The following PDE3B variants were observed in gnomAD, a reference collection of about 807,000 sequenced individuals.
The protein encoded by PDE3B is cGMP-inhibited 3',5'-cyclic phosphodiesterase 3B.
PDE3B carries 66 observed loss-of-function variants against 116.8 expected under a neutral mutation model. The observed-to-expected ratio is 0.56, with a 90% confidence interval of 0.46 to 0.69. The LOEUF (loss-of-function observed/expected upper bound fraction) is 0.69, where lower values mean the gene tolerates loss of function less well. Among genes scored for constraint, PDE3B ranks in the 30% least tolerant of loss-of-function variants. PDE3B has a pLI of 0.00. For missense variants in PDE3B, 1,384 were observed against 1,368.1 expected, an observed-to-expected ratio of 1.01 and a Z score of -0.18; for synonymous variants, 595 against 533.6, an observed-to-expected ratio of 1.12 and a Z score of -1.59.
chr11:14,710,479 C>T (rs1263857722), intron 1 of PDE3B, among the ~76,000 whole-genome samples: 3 of 152,134 alleles, frequency 2.0e-5, no homozygotes, highest in Admixed American at 6.6e-5. Context: ...GGTAGGTTCA[C>T]GTCTGAGTGG....
At chr11:14,674,462 T>G in intron 1 of PDE3B, 1 of 593,736 alleles carries the variant, frequency 1.7e-6, no homozygotes. Flanking sequence ...ATGGCAACCT[T>G]TACACACTTT....
At chr11:14,661,952 A>G (rs1323542745) in intron 1 of PDE3B, among the ~76,000 whole-genome samples, 1 of 152,176 alleles carries the variant, frequency 6.6e-6, no homozygotes, top group Non-Finnish European at 1.5e-5. Flanking sequence ...TGAAGAGAGC[A>G]GTGGTTCTCC....
intron 5 of PDE3B, among the ~76,000 whole-genome samples, chr11:14,816,862 T>A (rs570064060): frequency 9.8e-5 from 15 of 152,350 alleles, no homozygotes; most frequent in African/African-American, 3.6e-4. Context: ...GTTCAACCAT[T>A]GTGGAAGATA....
Position 14,859,171 on chromosome 11 carries a change from T to A in PDE3B, c.2649T>A (p.Arg883=). Residue 883 remains arginine (R), a synonymous_variant, in exon 13 of 16, where the codon CGT becomes CGA. Transcript: ENST00000282096. The part of the protein sequence containing the change: ...HLDHVEFKRF[R]FLVIEAILAT... ...ATCATGTGGAATTCAAGCGCTTTCG[T>A]TTTTTAGTCATTGAAGCAATCCTTG... 2 of 1,613,612 alleles carry A rather than the reference T, an allele frequency of 1.2e-6. No homozygotes were observed. The highest frequency in any genetic ancestry group is 1.7e-6 in the Non-Finnish European group (2 of 1,179,698).
intron 12 of PDE3B, among the ~76,000 whole-genome samples, chr11:14,851,525 TG>T (rs1309981895): frequency 4.6e-5 from 7 of 151,956 alleles, no homozygotes; most frequent in African/African-American, 1.7e-4. Flanking sequence ...TGTGTGTGTG[TG>T]TGTGTGTGTT....
chr11:14,784,003 A>G (rs891860675), intron 2 of PDE3B, among the ~76,000 whole-genome samples: 2 of 152,098 alleles, frequency 1.3e-5, no homozygotes, highest in Non-Finnish European at 2.9e-5. Flanking sequence ...TTAGATTCTC[A>G]TAGGAGCACA....
intron 1 of PDE3B, chr11:14,674,311 T>C: frequency 1.0e-6 from 1 of 987,610 alleles, no homozygotes; most frequent in Admixed American, 1.8e-5. Context: ...TGCATACTGC[T>C]CCTGATTGGC....
At chr11:14,892,399 G>A in the PDE3B span, 4 of 620,226 alleles carry the variant, frequency 6.4e-6, no homozygotes, top group Non-Finnish European at 1.1e-5. Context: ...TGGACTTTGC[G>A]GAGCGGGTGG....
chr11:14,852,178 TC>T (rs1847766463), intron 12 of PDE3B, among the ~76,000 whole-genome samples: 1 of 152,180 alleles, frequency 6.6e-6, no homozygotes, highest in African/African-American at 2.4e-5. Flanking sequence ...TGCCTCAGCC[TC>T]CCAAGTAGCT....
chr11:14,847,709 G>C (rs896599473), intron 12 of PDE3B, among the ~76,000 whole-genome samples: 16 of 152,240 alleles, frequency 1.1e-4, no homozygotes, highest in African/African-American at 3.6e-4. Context: ...AGTACAAACA[G>C]CTCTAAGCAA....
rs1221329691 is a variant in PDE3B, at chr11:14,643,921, G to A, written c.-155G>A. On this transcript the variant is annotated 5_prime_UTR_variant, in exon 1 of 16. Transcript: ENST00000282096. ...CGGACTCCGCCGCTCCTCAGTCCGC[G>A]CGGTGGGGACCCCGGGCCGTGGCGG... 8.7e-7 allele frequency: 1 copy of A among 1,145,318 alleles called. No homozygotes were observed. The highest frequency in any genetic ancestry group is 1.6e-5 in the African/African-American group (1 of 61,272). The allele number at this position is 1,145,318 out of a possible 1,614,324, so 70.9% of individuals were successfully genotyped here.
rs35913217 is a variant in PDE3B, at chr11:14,851,509, G to GGTGTGT, written c.2520+7504_2521-7508dup. The stretch of plus-strand genomic sequence containing the variant: ...GTATATGTGTAAATGGGTATAATGG[G>GGTGTGT]GTGTGTGTGTGTGTGTGTGTGTGTG... On this transcript the variant is annotated intron_variant, in intron 12 of 15. Coordinates refer to ENST00000282096, the MANE Select transcript of PDE3B (RefSeq NM_000922.4). 3.7e-3 allele frequency among the ~76,000 whole-genome samples: 553 copies of GGTGTGT among 148,546 alleles called. 7 individuals carry two copies. In the East Asian group the frequency reaches 0.055, roughly 15 times the overall value.
chr11:14,817,965 G>C (rs530998162), intron 5 of PDE3B, among the ~76,000 whole-genome samples: 1 of 151,750 alleles, frequency 6.6e-6, no homozygotes, highest in East Asian at 1.9e-4. Flanking sequence ...CCCAACAAGG[G>C]GTGTTTACCC....
intron 12 of PDE3B, among the ~76,000 whole-genome samples, chr11:14,856,605 A>T (rs1555006215): frequency 1.3e-5 from 2 of 152,144 alleles, no homozygotes; most frequent in African/African-American, 4.8e-5. Context: ...CTGTAATCCC[A>T]GCACTTTGGG....
chr11:14,679,109 A>G (rs949120551), intron 1 of PDE3B, among the ~76,000 whole-genome samples: 2 of 152,090 alleles, frequency 1.3e-5, no homozygotes, highest in African/African-American at 4.8e-5. Flanking sequence ...ACATTGATCA[A>G]TGTGTCATTC....
At chr11:14,895,943 G>A in the PDE3B span, among the ~76,000 whole-genome samples, 1 of 100,458 alleles carries the variant, frequency 1.0e-5, no homozygotes, top group Non-Finnish European at 2.5e-5. Context: ...GATGATGGTG[G>A]TGGGTGTGGG....
chr11:14,823,688 T>C (rs987032769), intron 7 of PDE3B, among the ~76,000 whole-genome samples: 21 of 152,214 alleles, frequency 1.4e-4, no homozygotes, highest in Admixed American at 1.1e-3. Context: ...CCATCTTTGC[T>C]GTTTTACACC....
chr11:14,723,676 G>A (rs375073243), intron 1 of PDE3B, among the ~76,000 whole-genome samples: 10 of 151,830 alleles, frequency 6.6e-5, no homozygotes, highest in East Asian at 3.9e-4. Flanking sequence ...CAGGAGGATC[G>A]TTTGGGCCCA....
chr11:14,892,347 C>T, the PDE3B span: 2 of 775,122 alleles, frequency 2.6e-6, no homozygotes, highest in African/African-American at 3.5e-5. Flanking sequence ...AGCGCTCAGG[C>T]CCCTTCGGGA....
Sources: allele counts gnomAD v4.1 joint callset (sites outside exome capture counted in the v4.1 genomes callset), GRCh38; gene constraint gnomAD v4.1.1; transcripts MANE v1.5; gene names NCBI Gene and HGNC (gene_info 2026-07-23, HGNC 2026-07-21).